The following LRRCC1 variants were observed in gnomAD, a reference collection of about 807,000 sequenced individuals.
The protein encoded by LRRCC1 is leucine rich repeat and coiled-coil centrosomal protein 1.
A neutral mutation model predicts 126.0 loss-of-function variants in LRRCC1; 115 were observed. The ratio of observed to expected loss-of-function variants is 0.91; its 90% CI spans 0.78 to 1.07. LRRCC1 has a LOEUF of 1.07. Among genes scored for constraint, LRRCC1 ranks in the 50% least tolerant of loss-of-function variants. The pLI is 0.00. For missense variants in LRRCC1, 1,172 were observed against 1,175.7 expected, an observed-to-expected ratio of 1.00 and a Z score of 0.05; for synonymous variants, 400 against 393.4, an observed-to-expected ratio of 1.02 and a Z score of -0.20.
intron 17 of LRRCC1, among the ~76,000 whole-genome samples, chr8:85,140,031 A>G (rs1453976134): frequency 1.3e-5 from 2 of 152,218 alleles, no homozygotes; most frequent in Non-Finnish European, 2.9e-5. Context: ...CCAGTAACAA[A>G]TTTACAATTA....
At chr8:85,116,112 GT>G (rs1203423168) in intron 6 of LRRCC1, among the ~76,000 whole-genome samples, 8 of 152,186 alleles carry the variant, frequency 5.3e-5, no homozygotes, top group African/African-American at 1.9e-4. Flanking sequence ...TGAATCTCTA[GT>G]TTTTAGAATC....
At chr8:85,132,550 G>A (rs932303876) in intron 12 of LRRCC1, among the ~76,000 whole-genome samples, 3 of 151,992 alleles carry the variant, frequency 2.0e-5, no homozygotes, top group Non-Finnish European at 2.9e-5. Flanking sequence ...AGGCCACCAC[G>A]CCCGCCTAAT....
At chr8:85,122,629 CTTA>C (rs1446745884) in intron 6 of LRRCC1, among the ~76,000 whole-genome samples, 2 of 152,016 alleles carry the variant, frequency 1.3e-5, no homozygotes, top group Non-Finnish European at 2.9e-5. Context: ...AGGTGTATTT[CTTA>C]TTATCTCATT....
Position 85,131,792 on chromosome 8 carries a change from A to G in LRRCC1, c.1799A>G (p.Asp600Gly), listed in dbSNP as rs1275551452. The G allele has an allele frequency of 6.2e-7, 1 of 1,613,370 alleles. No homozygotes were observed. The highest frequency in any genetic ancestry group is 1.3e-5 in the African/African-American group (1 of 74,884). Residue 600 changes from aspartate to glycine, a missense_variant, in exon 12 of 19, where the codon GAT becomes GGT. Physicochemically the swap from Asp to Gly is moderately conservative, Grantham distance 94. Transcript: ENST00000360375. ...KELETREFFT[D>G]ADFQDALAKE... ...CTTGAAACAAGGGAGTTTTTTACTGATGCTGACTTCCAGGATGCCTTAGCT... is the reference window on the plus strand; with the variant it reads ...CTTGAAACAAGGGAGTTTTTTACTGGTGCTGACTTCCAGGATGCCTTAGCT...
intron 14 of LRRCC1, 118 bp downstream of exon 14, chr8:85,136,081 T>A: frequency 1.2e-6 from 1 of 833,908 alleles, no homozygotes; most frequent in Non-Finnish European, 1.7e-6. Flanking sequence ...AGGTGACCCT[T>A]TATCTGGAAG....
intron 12 of LRRCC1, among the ~76,000 whole-genome samples, chr8:85,134,091 C>G (rs1810685785): frequency 6.6e-6 from 1 of 152,176 alleles, no homozygotes; most frequent in Non-Finnish European, 1.5e-5. Flanking sequence ...GCTCCATTCC[C>G]TACCTCCTTC....
At chr8:85,126,023 C>A (rs1045243312) in intron 8 of LRRCC1, among the ~76,000 whole-genome samples, 1 of 151,972 alleles carries the variant, frequency 6.6e-6, no homozygotes, top group Non-Finnish European at 1.5e-5. Flanking sequence ...CTGATTCAAC[C>A]CCCGCCCCAA....
At position 85,110,127 on chromosome 8, in the gene LRRCC1, TA is replaced by T; in HGVS notation, c.325del (p.Ile109LeufsTer3). 1 of 1,258,430 alleles carries T rather than the reference TA, an allele frequency of 7.9e-7. No homozygotes were observed. The highest frequency in any genetic ancestry group is 1.1e-6 in the Non-Finnish European group (1 of 899,672). The allele number at this position is 1,258,430 out of a possible 1,614,324, so 78.0% of individuals were successfully genotyped here. On this transcript the variant is annotated frameshift_variant, in exon 3 of 19. Transcript: ENST00000360375. LOFTEE classifies it high-confidence loss of function. ...LITKVEGLEE[L>X]INLTRLNVSY... ...TTTTTTTTTTTAGGACTTGAAGAAC[TA>T]ATTAATCTGACTAGACTAAATGTAT...
chr8:85,107,473 A>T (rs1421857550), intron 1 of LRRCC1, 74 bp downstream of exon 1: 6 of 1,304,590 alleles, frequency 4.6e-6, no homozygotes, highest in Non-Finnish European at 6.4e-6. Flanking sequence ...TGGCGGCGAC[A>T]CCAGAGTGGA....
intron 14 of LRRCC1, among the ~76,000 whole-genome samples, chr8:85,136,284 T>C (rs1415045427): frequency 6.6e-6 from 1 of 152,138 alleles, no homozygotes; most frequent in Non-Finnish European, 1.5e-5. Flanking sequence ...TAATTCTTTT[T>C]TTTTTTTGAG....
chr8:85,126,705 T>G lies in LRRCC1; in HGVS notation c.1289T>G (p.Leu430Arg). The change falls in exon 9 of 19, where the codon CTA (leucine) becomes CGA (arginine). Residue 430 changes from leucine to arginine, a missense_variant. Coordinates refer to ENST00000360375, the MANE Select transcript of LRRCC1 (RefSeq NM_033402.5). ...TTCTTTCAGTCCCTTGTTGAACAGCTAGACCAAGAGAGAGAGAAGAGATGG... is the reference window on the plus strand; with the variant it reads ...TTCTTTCAGTCCCTTGTTGAACAGCGAGACCAAGAGAGAGAGAAGAGATGG... ...DNTYQSLVEQ[L>R]DQEREKRWRA... 6.2e-7 allele frequency: 1 copy of G among 1,612,078 alleles called. No individual in the cohort carries two copies. Among genetic ancestry groups the G allele is most frequent in the Non-Finnish European group, 8.5e-7 (1 of 1,179,740 alleles).
At chr8:85,112,689 C>G (rs2135920934) in intron 3 of LRRCC1, among the ~76,000 whole-genome samples, 1 of 152,248 alleles carries the variant, frequency 6.6e-6, no homozygotes, top group Non-Finnish European at 1.5e-5. Context: ...GATTCATTTT[C>G]TTTTGAAGAG....
intron 12 of LRRCC1, among the ~76,000 whole-genome samples, chr8:85,133,121 A>T (rs936358255): frequency 2.6e-5 from 4 of 151,966 alleles, no homozygotes; most frequent in African/African-American, 4.8e-5. Context: ...TCTGGCTTTT[A>T]TCTCTATTGC....
intron 12 of LRRCC1, among the ~76,000 whole-genome samples, chr8:85,132,375 CTTTTTTTTTTTTTTT>C (rs551423793): frequency 1.8e-4 from 20 of 109,952 alleles, no homozygotes; most frequent in Admixed American, 9.7e-5. Flanking sequence ...TGAGTACTTT[CTTTTTTTTTTTTTTT>C]TTTTTTTTTT....
intron 7 of LRRCC1, among the ~76,000 whole-genome samples, chr8:85,124,008 A>C (rs1201826018): frequency 1.3e-5 from 2 of 152,156 alleles, no homozygotes; most frequent in African/African-American, 4.8e-5. Context: ...CTGAGTCTAC[A>C]TGACTAGCCT....
chr8:85,113,709 G>A (rs573034801), intron 4 of LRRCC1, among the ~76,000 whole-genome samples: 14 of 152,018 alleles, frequency 9.2e-5, no homozygotes, highest in East Asian at 7.7e-4. Context: ...TGTTCCTTTC[G>A]AATTTCATAT....
rs952513993 is a variant in LRRCC1, at chr8:85,115,127, T to C, written c.572T>C (p.Leu191Ser). Residue 191 changes from leucine to serine, a missense_variant, in exon 5 of 19, where the codon TTG (leucine) becomes TCG (serine). Physicochemically the swap from Leu to Ser is moderately radical, Grantham distance 145 (BLOSUM62 -2). Coordinates refer to ENST00000360375, the MANE Select transcript of LRRCC1 (RefSeq NM_033402.5). ...PGYRAVILQT[L>S]PQLRILDCKN... Reference sequence around the variant, plus strand: ...TACAGAGCAGTTATTCTCCAGACTTTGCCACAGCTTAGAATCCTAGATTGC... The same window carrying C: ...TACAGAGCAGTTATTCTCCAGACTTCGCCACAGCTTAGAATCCTAGATTGC... 5 of 1,607,590 alleles carry C rather than the reference T, an allele frequency of 3.1e-6. No homozygotes were observed. The African/African-American group carries it at 4.0e-5, about 13-fold the overall frequency.
intron 17 of LRRCC1, among the ~76,000 whole-genome samples, chr8:85,139,262 AT>A (rs1483111047): frequency 6.6e-6 from 1 of 151,802 alleles, no homozygotes; most frequent in East Asian, 1.9e-4. Flanking sequence ...ATGAGAGCCA[AT>A]TTTTTTGTTT....
rs1587351865 is a variant in LRRCC1, at chr8:85,107,258, G to A, written c.-38G>A. On this transcript the variant is annotated 5_prime_UTR_variant, in exon 1 of 19. Transcript: ENST00000360375. ...GTCCCAAGCTCACGGACCCCTCGCT[G>A]GGTGCCGGTTAAGACCCCGCTCCCC... is the stretch of plus-strand genomic sequence containing the variant. 1.3e-6 allele frequency: 2 copies of A among 1,576,884 alleles called. No homozygotes were observed. The highest frequency in any genetic ancestry group is 1.7e-6 in the Non-Finnish European group (2 of 1,160,448).
Sources: allele counts gnomAD v4.1 joint callset (sites outside exome capture counted in the v4.1 genomes callset), GRCh38; gene constraint gnomAD v4.1.1; transcripts MANE v1.5; gene names NCBI Gene and HGNC (gene_info 2026-07-23, HGNC 2026-07-21).